KCNAB1: variants seen among roughly 807,000 people sequenced by gnomAD.
KCNAB1 encodes voltage-gated potassium channel subunit beta-1.
KCNAB1 carries 35 observed loss-of-function variants against 64.6 expected under a neutral mutation model. The ratio of observed to expected loss-of-function variants is 0.54; its 90% CI spans 0.41 to 0.72. KCNAB1 has a LOEUF of 0.72. Among genes scored for constraint, KCNAB1 ranks in the 30% least tolerant of loss-of-function variants. KCNAB1 has a pLI of 0.00. For missense variants in KCNAB1, 401 were observed against 512.9 expected (o/e 0.78, Z 2.11); for synonymous variants, 177 against 183.8 (o/e 0.96, Z 0.30).
chr3:156,339,533 G>C (rs139968332), intron 1 of KCNAB1, among the ~76,000 whole-genome samples: 1 of 152,312 alleles, frequency 6.6e-6, no homozygotes, highest in African/African-American at 2.4e-5. Flanking sequence ...TCAAACTTCA[G>C]ATCTGTGGCT....
intron 2 of KCNAB1, among the ~76,000 whole-genome samples, chr3:156,444,531 G>T (rs1717258973): frequency 6.6e-6 from 1 of 152,146 alleles, no homozygotes; most frequent in Non-Finnish European, 1.5e-5. Flanking sequence ...GTGAGTGGTG[G>T]AGTCAGAACT....
At chr3:156,137,271 A>C (rs1714407273) in intron 1 of KCNAB1, among the ~76,000 whole-genome samples, 1 of 152,028 alleles carries the variant, frequency 6.6e-6, no homozygotes. Flanking sequence ...ACAGTAGATA[A>C]GCAGTAGGGA....
chr3:156,514,574 A>G (rs1051143022), intron 9 of KCNAB1, 125 bp downstream of exon 9: 3 of 668,590 alleles, frequency 4.5e-6, no homozygotes, highest in Non-Finnish European at 8.1e-6. Context: ...GAATTCTAGA[A>G]TCAATTCCAT....
At chr3:156,246,527 C>T (rs576963138) in intron 1 of KCNAB1, among the ~76,000 whole-genome samples, 12 of 150,652 alleles carry the variant, frequency 8.0e-5, no homozygotes, top group Admixed American at 1.3e-4. Flanking sequence ...AGCTTGAACC[C>T]GAGAGGCAGA....
intron 1 of KCNAB1, among the ~76,000 whole-genome samples, chr3:156,239,518 C>A (rs1717044332): frequency 6.6e-6 from 1 of 152,122 alleles, no homozygotes; most frequent in Non-Finnish European, 1.5e-5. Context: ...CCTTCTCCAG[C>A]CACTACTCTG....
intron 1 of KCNAB1, among the ~76,000 whole-genome samples, chr3:156,348,533 G>A (rs1266442423): frequency 6.6e-6 from 1 of 152,142 alleles, no homozygotes. Context: ...CATTTACTGA[G>A]TAAAGGAACA....
chr3:156,527,967 A>G (rs981597743), intron 12 of KCNAB1, among the ~76,000 whole-genome samples: 5 of 152,198 alleles, frequency 3.3e-5, no homozygotes, highest in African/African-American at 1.2e-4. Context: ...AATTATCCAG[A>G]ATCAGCTGCA....
intron 2 of KCNAB1, among the ~76,000 whole-genome samples, chr3:156,424,007 A>T (rs1715646630): frequency 6.6e-6 from 1 of 152,196 alleles, no homozygotes; most frequent in Admixed American, 6.5e-5. Context: ...GGGTTCAGTT[A>T]TTGTTAGTGA....
intron 1 of KCNAB1, among the ~76,000 whole-genome samples, chr3:156,315,323 C>T (rs1722204887): frequency 6.6e-6 from 1 of 152,104 alleles, no homozygotes; most frequent in African/African-American, 2.4e-5. Flanking sequence ...GGCTATAGTA[C>T]ACTCAGGCAC....
intron 1 of KCNAB1, among the ~76,000 whole-genome samples, chr3:156,202,137 A>G (rs533311704): frequency 1.1e-4 from 17 of 152,286 alleles, no homozygotes; most frequent in Admixed American, 1.1e-3. Context: ...GCTCTGCTAC[A>G]GATGCTTCCA....
chr3:156,477,773 G>A (rs1416874488), intron 8 of KCNAB1, among the ~76,000 whole-genome samples: 1 of 152,098 alleles, frequency 6.6e-6, no homozygotes, highest in Non-Finnish European at 1.5e-5. Context: ...ACTGATCTGG[G>A]AAATAAAGAA....
At chr3:156,219,987 G>A (rs1715604618) in intron 1 of KCNAB1, among the ~76,000 whole-genome samples, 1 of 151,814 alleles carries the variant, frequency 6.6e-6, no homozygotes, top group Non-Finnish European at 1.5e-5. Flanking sequence ...CTGTGCTTGT[G>A]ATAGTTTGCT....
chr3:156,134,473 A>G (rs1297784377), intron 1 of KCNAB1, among the ~76,000 whole-genome samples: 1 of 152,218 alleles, frequency 6.6e-6, no homozygotes, highest in Admixed American at 6.5e-5. Flanking sequence ...GAATTGAGGT[A>G]CTCAACCAGG....
intron 3 of KCNAB1, among the ~76,000 whole-genome samples, chr3:156,455,282 C>A (rs1040841854): frequency 1.3e-5 from 2 of 152,258 alleles, no homozygotes; most frequent in African/African-American, 4.8e-5. Flanking sequence ...GCTGGCCACA[C>A]CACAGTGTGC....
intron 1 of KCNAB1, among the ~76,000 whole-genome samples, chr3:156,242,926 T>G (rs1717244806): frequency 6.6e-6 from 1 of 152,086 alleles, no homozygotes; most frequent in South Asian, 2.1e-4. Context: ...TATTTTATTT[T>G]TGAGATGGAG....
chr3:156,227,329 A>C (rs931411728), intron 1 of KCNAB1, among the ~76,000 whole-genome samples: 1 of 152,224 alleles, frequency 6.6e-6, no homozygotes, highest in Non-Finnish European at 1.5e-5. Context: ...GACAAAGGAC[A>C]TTGTTCTCAA....
intron 1 of KCNAB1, among the ~76,000 whole-genome samples, chr3:156,161,654 T>A (rs1716088493): frequency 1.3e-5 from 2 of 152,228 alleles, no homozygotes; most frequent in South Asian, 4.1e-4. Context: ...TTAAAATATT[T>A]TAATTCTACC....
chr3:156,447,572 C>T (rs960832050), intron 2 of KCNAB1, among the ~76,000 whole-genome samples: 5 of 152,150 alleles, frequency 3.3e-5, no homozygotes, highest in Admixed American at 6.5e-5. Context: ...GGAGACCAAC[C>T]TGCACTATAG....
rs537759443 is a variant in KCNAB1 at position 156,134,411 on chromosome 3, T to C, written c.275+13525T>C. ...CTTTACTTTAGGGAGGGATGGGAAATAAGAAATCCAGTCGTGTTCAAATTA... is the reference window on the plus strand; with the variant it reads ...CTTTACTTTAGGGAGGGATGGGAAACAAGAAATCCAGTCGTGTTCAAATTA... On this transcript the variant is annotated intron_variant, in intron 1 of 13. Transcript: ENST00000490337. 7.2e-5 allele frequency among the ~76,000 whole-genome samples: 11 copies of C among 152,342 alleles called. No homozygotes were observed. The South Asian group carries it at 2.3e-3, about 32-fold the overall frequency.
Sources: allele counts gnomAD v4.1 joint callset (sites outside exome capture counted in the v4.1 genomes callset), GRCh38; gene constraint gnomAD v4.1.1; transcripts MANE v1.5; gene names NCBI Gene and HGNC (gene_info 2026-07-23, HGNC 2026-07-21).